RBFOX1: variants seen among roughly 807,000 people sequenced by gnomAD.
RBFOX1 encodes the protein RNA binding fox-1 homolog 1, also known as RNA binding protein fox-1 homolog 1.
Under a neutral mutation model 57.7 loss-of-function variants are expected in RBFOX1, and 8 were observed. That is an observed-to-expected ratio of 0.14 (90% CI 0.08 to 0.25). The LOEUF (loss-of-function observed/expected upper bound fraction) is 0.25, where lower values mean the gene tolerates loss of function less well. Ranked by LOEUF, RBFOX1 falls within the 10% of genes least tolerant of loss-of-function variation. RBFOX1 has a pLI of 1.00. For missense variants in RBFOX1, 611 were observed against 548.5 expected (o/e 1.11, Z -1.14); for synonymous variants, 326 against 222.4 (o/e 1.47, Z -4.15).
intron 3 of RBFOX1, among the ~76,000 whole-genome samples, chr16:6,847,500 A>C (rs940182564): frequency 6.6e-6 from 1 of 152,072 alleles, no homozygotes; most frequent in Non-Finnish European, 1.5e-5. Flanking sequence ...ACTGTGGCCC[A>C]CGTTTTATTG....
chr16:7,692,091 C>G lies in RBFOX1; in HGVS notation c.995+15253C>G, dbSNP rs73496960. 2.0e-3 allele frequency among the ~76,000 whole-genome samples: 300 copies of G among 152,182 alleles called. 1 individual carries two copies. The highest frequency in any genetic ancestry group is 6.7e-3 in the African/African-American group (278 of 41,536). Reference sequence around the variant, plus strand: ...TTATTGCTCCTCTAACATAGGGAATCTGGGGCCAGATATTCATGCGGCTCA... The same window carrying G: ...TTATTGCTCCTCTAACATAGGGAATGTGGGGCCAGATATTCATGCGGCTCA... On this transcript the variant is annotated intron_variant, in intron 14 of 15. Coordinates refer to ENST00000550418, the MANE Select transcript of RBFOX1 (RefSeq NM_018723.4).
chr16:6,335,487 A>G (rs1391500201), intron 2 of RBFOX1, among the ~76,000 whole-genome samples: 2 of 152,150 alleles, frequency 1.3e-5, no homozygotes, highest in Non-Finnish European at 2.9e-5. Flanking sequence ...AAATATGAAA[A>G]TAAAAAATCA....
At chr16:6,124,670 T>G (rs887810704) in intron 1 of RBFOX1, among the ~76,000 whole-genome samples, 6 of 151,866 alleles carry the variant, frequency 4.0e-5, no homozygotes, top group Non-Finnish European at 7.4e-5. Flanking sequence ...GCCCGGCTAG[T>G]TGTTGTTGTT....
intron 3 of RBFOX1, among the ~76,000 whole-genome samples, chr16:6,968,071 G>A (rs757593574): frequency 3.9e-5 from 6 of 152,214 alleles, no homozygotes; most frequent in South Asian, 4.1e-4. Flanking sequence ...TCTGACCCTC[G>A]GATGCATGAG....
At chr16:5,615,412 A>C (rs1481515225) in intron 3 of RBFOX1, among the ~76,000 whole-genome samples, 2 of 152,198 alleles carry the variant, frequency 1.3e-5, no homozygotes, top group Non-Finnish European at 2.9e-5. Context: ...TCGAAGAGTG[A>C]GTGGTGTGTA....
intron 3 of RBFOX1, among the ~76,000 whole-genome samples, chr16:6,917,008 T>G (rs8056933): frequency 2.0e-5 from 3 of 151,872 alleles, no homozygotes; most frequent in African/African-American, 7.3e-5. Flanking sequence ...TGCCATCACA[T>G]CAGGCTAATT....
At chr16:6,436,827 G>A (rs768204877) in intron 2 of RBFOX1, among the ~76,000 whole-genome samples, 2 of 152,022 alleles carry the variant, frequency 1.3e-5, no homozygotes, top group Non-Finnish European at 2.9e-5. Context: ...GAATAAATTA[G>A]GGTTATGGAA....
rs368812305 is a variant in RBFOX1 at position 6,196,727 on chromosome 16, T to C, written c.-126-120268T>C. ...AATAATAGAATTTATTCAGGCAATT[T>C]ATCCTTAATACAAGCGATATAAATG... On this transcript the variant is annotated intron_variant, in intron 1 of 15. Coordinates refer to ENST00000550418, the MANE Select transcript of RBFOX1 (RefSeq NM_018723.4). 9.8e-5 allele frequency among the ~76,000 whole-genome samples: 15 copies of C among 152,326 alleles called. No individual in the cohort carries two copies. In the East Asian group the frequency reaches 2.9e-3, roughly 29 times the overall value.
chr16:5,673,816 C>G (rs954810304), intron 3 of RBFOX1, among the ~76,000 whole-genome samples: 1 of 152,238 alleles, frequency 6.6e-6, no homozygotes, highest in African/African-American at 2.4e-5. Context: ...CCTTGTGGCT[C>G]TTTCCGATGT....
At chr16:5,413,530 G>A (rs575373551) in intron 1 of RBFOX1, among the ~76,000 whole-genome samples, 1 of 152,294 alleles carries the variant, frequency 6.6e-6, no homozygotes, top group African/African-American at 2.4e-5. Flanking sequence ...TCATATATCA[G>A]GGAGCTGTGG....
At chr16:7,702,558 G>T (rs1434541028) in intron 14 of RBFOX1, among the ~76,000 whole-genome samples, 1 of 152,198 alleles carries the variant, frequency 6.6e-6, no homozygotes, top group Non-Finnish European at 1.5e-5. Flanking sequence ...TTTATTTCTA[G>T]TTGGATGAGA....
At chr16:5,658,832 GTATA>G (rs1297807980) in intron 3 of RBFOX1, among the ~76,000 whole-genome samples, 9 of 145,386 alleles carry the variant, frequency 6.2e-5, no homozygotes, top group Admixed American at 1.4e-4. Context: ...ATGTATATAT[GTATA>G]TATATAATAT....
intron 4 of RBFOX1, among the ~76,000 whole-genome samples, chr16:5,995,828 C>A (rs1305359846): frequency 1.3e-5 from 2 of 152,102 alleles, no homozygotes; most frequent in Non-Finnish European, 2.9e-5. Flanking sequence ...TGTCTTAACC[C>A]ATTTGGGCTA....
At chr16:5,692,187 G>A (rs1050986296) in intron 3 of RBFOX1, among the ~76,000 whole-genome samples, 2 of 148,574 alleles carry the variant, frequency 1.3e-5, no homozygotes, top group African/African-American at 5.2e-5. Context: ...GTGTGTGTGT[G>A]TGTGTGTGTG....
chr16:7,316,963 A>AACACACAC (rs112548867), intron 4 of RBFOX1, among the ~76,000 whole-genome samples: 67,630 of 146,750 alleles, frequency 0.46, 16,781 homozygotes, highest in East Asian at 0.8. Context: ...AAGAAGACAG[A>AACACACAC]ACACACACAC....
rs577938496 is a variant in RBFOX1 at position 7,270,217 on chromosome 16, C to G, written c.27+218119C>G. ...TCCGCCCCCAGGCAGGAGCAGGAAC[C>G]TGAGAGGACCTTCTCAGTTAGGTGT... On this transcript the variant is annotated intron_variant, in intron 4 of 15. Coordinates refer to ENST00000550418, the MANE Select transcript of RBFOX1 (RefSeq NM_018723.4). Among the ~76,000 whole-genome samples, 30 of 152,326 alleles carry G rather than the reference C, an allele frequency of 2.0e-4. No homozygotes were observed. In the South Asian group the frequency reaches 6.0e-3, roughly 30 times the overall value.
At chr16:6,907,974 G>C (rs1363070903) in intron 3 of RBFOX1, among the ~76,000 whole-genome samples, 1 of 151,644 alleles carries the variant, frequency 6.6e-6, no homozygotes, top group Non-Finnish European at 1.5e-5. Context: ...CCGTGAGCAT[G>C]GATGTCTCTG....
chr16:6,823,143 G>C (rs1399803333), intron 3 of RBFOX1, among the ~76,000 whole-genome samples: 1 of 152,126 alleles, frequency 6.6e-6, no homozygotes, highest in Non-Finnish European at 1.5e-5. Context: ...TTTGATAGAA[G>C]CCAGGACCAT....
chr16:7,676,206 G>C lies in RBFOX1; in HGVS notation c.931-568G>C, dbSNP rs543527325. 2.0e-5 allele frequency among the ~76,000 whole-genome samples: 3 copies of C among 152,230 alleles called. 1 individual carries two copies. The South Asian group carries it at 6.2e-4, about 32-fold the overall frequency. On this transcript the variant is annotated intron_variant, in intron 13 of 15. Transcript: ENST00000550418. ...CAAAAAGAAATGTTCAGTCATTTTTGTAATAATTGTGTAACATTTAGACAG... is the reference window on the plus strand; with the variant it reads ...CAAAAAGAAATGTTCAGTCATTTTTCTAATAATTGTGTAACATTTAGACAG...
Sources: gnomAD v4.1 joint callset for allele counts (sites outside exome capture counted in the v4.1 genomes callset) on GRCh38, gnomAD v4.1.1 for gene constraint, MANE v1.5 for transcripts, NCBI Gene and HGNC (gene_info 2026-07-23, HGNC 2026-07-21) for gene names.